GABRB2: variants seen among roughly 807,000 people sequenced by gnomAD.
The protein encoded by GABRB2 is gamma-aminobutyric acid receptor subunit beta-2.
Under a neutral mutation model 54.7 loss-of-function variants are expected in GABRB2, and 16 were observed. That is an observed-to-expected ratio of 0.29 (90% CI 0.20 to 0.44). The LOEUF is 0.44. Among genes scored for constraint, GABRB2 ranks in the 20% least tolerant of loss-of-function variants. GABRB2 has a pLI of 1.00. For synonymous variants in GABRB2, 244 were observed against 233.8 expected (o/e 1.04, Z -0.40); for missense variants, 355 against 644.0 (o/e 0.55, Z 4.86).
At chr5:161,414,691 A>G (rs1756612253) in intron 4 of GABRB2, among the ~76,000 whole-genome samples, 1 of 152,024 alleles carries the variant, frequency 6.6e-6, no homozygotes, top group Non-Finnish European at 1.5e-5. Flanking sequence ...AAGCCCTTTG[A>G]TAAGTACCTG....
chr5:161,415,814 T>C (rs1006019989), intron 4 of GABRB2, among the ~76,000 whole-genome samples: 10 of 152,182 alleles, frequency 6.6e-5, no homozygotes, highest in African/African-American at 2.4e-4. Flanking sequence ...GGTTTCGCTA[T>C]GTTGGCCAAC....
chr5:161,399,300 T>C (rs1756104578), intron 5 of GABRB2, among the ~76,000 whole-genome samples: 1 of 152,132 alleles, frequency 6.6e-6, no homozygotes, highest in Non-Finnish European at 1.5e-5. Flanking sequence ...CTCTGCTTGA[T>C]ACTGGGTCCT....
intron 3 of GABRB2, among the ~76,000 whole-genome samples, chr5:161,469,290 G>C (rs1489566039): frequency 1.3e-5 from 2 of 151,790 alleles, no homozygotes; most frequent in Non-Finnish European, 2.9e-5. Context: ...GGTATGAAGA[G>C]AAAGAAAATT....
chr5:161,343,203 A>G (rs889284351), intron 5 of GABRB2, among the ~76,000 whole-genome samples: 3 of 151,916 alleles, frequency 2.0e-5, no homozygotes, highest in Non-Finnish European at 1.5e-5. Flanking sequence ...TCTTTAGATG[A>G]ACTGCTAGAC....
chr5:161,430,042 A>G (rs1227370249), intron 4 of GABRB2, among the ~76,000 whole-genome samples: 1 of 152,224 alleles, frequency 6.6e-6, no homozygotes, highest in Non-Finnish European at 1.5e-5. Context: ...AAATAGTTAT[A>G]TGAATTGGTC....
At chr5:161,327,268 G>C (rs1405459393) in intron 8 of GABRB2, among the ~76,000 whole-genome samples, 1 of 152,114 alleles carries the variant, frequency 6.6e-6, no homozygotes, top group Non-Finnish European at 1.5e-5. Flanking sequence ...AGTGACACTT[G>C]CTTATAAACT....
In GABRB2 at chr5:161,443,841, C is replaced by G. The variant is rs552444531; in HGVS notation, c.458+15783G>C. ...CAGGGGTAATGACCAATGAGTAGAG[C>G]AGTAATTTAGGGAGGCTCCATAAAT... is the stretch of plus-strand genomic sequence containing the variant. On this transcript the variant is annotated intron_variant, in intron 4 of 9. Coordinates refer to ENST00000393959, the MANE Select transcript of GABRB2 (RefSeq NM_001371727.1). Among the ~76,000 whole-genome samples, 12 of 152,202 alleles carry G rather than the reference C, an allele frequency of 7.9e-5. No individual in the cohort carries two copies. The East Asian group carries it at 2.3e-3, about 29-fold the overall frequency.
At chr5:161,447,433 T>C (rs759427562) in intron 4 of GABRB2, among the ~76,000 whole-genome samples, 12 of 152,156 alleles carry the variant, frequency 7.9e-5, no homozygotes, top group Non-Finnish European at 1.6e-4. Flanking sequence ...AAATATAAAG[T>C]CCTAATTATT....
chr5:161,386,335 A>T (rs1755630612), intron 5 of GABRB2, among the ~76,000 whole-genome samples: 1 of 152,156 alleles, frequency 6.6e-6, no homozygotes, highest in Non-Finnish European at 1.5e-5. Context: ...GACAGTCCAG[A>T]AGCTAAAAAA....
chr5:161,404,631 T>G (rs1302858550), intron 5 of GABRB2, among the ~76,000 whole-genome samples: 1 of 152,110 alleles, frequency 6.6e-6, no homozygotes. Context: ...TAGGCACAAG[T>G]GTGAGATGTA....
intron 3 of GABRB2, among the ~76,000 whole-genome samples, chr5:161,537,573 T>C (rs73303272): frequency 0.023 from 3,492 of 152,306 alleles, 116 homozygotes; most frequent in African/African-American, 0.071. Flanking sequence ...TAATTTTATA[T>C]CTTCTTTTTT....
At chr5:161,379,916 C>T (rs1400254877) in intron 5 of GABRB2, among the ~76,000 whole-genome samples, 2 of 152,050 alleles carry the variant, frequency 1.3e-5, no homozygotes, top group Non-Finnish European at 2.9e-5. Context: ...GAGGAAAATC[C>T]TGAAGAAGAA....
At chr5:161,504,397 CA>C (rs1759539733) in intron 3 of GABRB2, among the ~76,000 whole-genome samples, 1 of 151,920 alleles carries the variant, frequency 6.6e-6, no homozygotes, top group African/African-American at 2.4e-5. Flanking sequence ...ATATCAATGA[CA>C]AAAAAATACC....
At chr5:161,506,882 C>G (rs973318320) in intron 3 of GABRB2, among the ~76,000 whole-genome samples, 1 of 152,002 alleles carries the variant, frequency 6.6e-6, no homozygotes, top group African/African-American at 2.4e-5. Flanking sequence ...AATCAGTTAT[C>G]CAAATAGAAA....
intron 3 of GABRB2, among the ~76,000 whole-genome samples, chr5:161,494,588 C>G (rs986676285): frequency 4.0e-5 from 6 of 149,154 alleles, no homozygotes; most frequent in African/African-American, 1.5e-4. Context: ...CAATTACTGA[C>G]AACTGAAAAC....
intron 9 of GABRB2, among the ~76,000 whole-genome samples, 190 bp from the exon 10 acceptor site, chr5:161,294,618 T>G (rs112005628): frequency 9.8e-5 from 15 of 152,324 alleles, no homozygotes; most frequent in African/African-American, 3.6e-4. Flanking sequence ...TTTCTCCATT[T>G]ATTAAATGAT....
chr5:161,460,087 G>T (rs1415555426), intron 3 of GABRB2, among the ~76,000 whole-genome samples: 1 of 152,166 alleles, frequency 6.6e-6, no homozygotes, highest in Non-Finnish European at 1.5e-5. Context: ...TGAGATTACA[G>T]GCATGTGCCA....
intron 4 of GABRB2, among the ~76,000 whole-genome samples, chr5:161,435,997 T>C (rs1054917067): frequency 3.3e-5 from 5 of 152,188 alleles, no homozygotes; most frequent in African/African-American, 1.2e-4. Flanking sequence ...TATGATTTCA[T>C]AGAAAGATAA....
chr5:161,413,963 G>T (rs889797186), intron 4 of GABRB2, among the ~76,000 whole-genome samples: 1 of 152,044 alleles, frequency 6.6e-6, no homozygotes, highest in African/African-American at 2.4e-5. Flanking sequence ...AAAATATGTT[G>T]GCTAATGCTA....
Sources: allele counts gnomAD v4.1 joint callset (sites outside exome capture counted in the v4.1 genomes callset), GRCh38; gene constraint gnomAD v4.1.1; transcripts MANE v1.5; gene names NCBI Gene and HGNC (gene_info 2026-07-23, HGNC 2026-07-21).